The following USP1 variants were observed in gnomAD, a reference collection of about 807,000 sequenced individuals.
USP1 encodes ubiquitin specific peptidase 1.
Under a neutral mutation model 72.2 loss-of-function variants are expected in USP1, and 18 were observed. The observed-to-expected ratio is 0.25, with a 90% CI of 0.17 to 0.37. The LOEUF is 0.37. Ranked by LOEUF, USP1 falls within the 10% of genes least tolerant of loss-of-function variation. The pLI is 1.00. For missense variants in USP1, 759 were observed against 884.9 expected (o/e 0.86, Z 1.81); for synonymous variants, 354 against 303.7 (o/e 1.17, Z -1.72).
rs368821448 is a variant in USP1 at position 62,448,472 on chromosome 1, A to G, written c.1428A>G (p.Pro476=). 8.7e-6 allele frequency: 14 copies of G among 1,613,600 alleles called. No homozygotes were observed. The African/African-American group carries it at 9.3e-5, about 11-fold the overall frequency. Residue 476 remains proline, a synonymous_variant, in exon 8 of 9, where the codon CCA becomes CCG. Coordinates refer to ENST00000339950, the MANE Select transcript of USP1 (RefSeq NM_003368.5). The part of the protein sequence containing the change: ...SKVEESSEIS[P]EPKTEMKTLR... ...AAGGATTCTCTTTTTTAGTTTCTCC[A>G]GAGCCAAAAACAGAAATGAAGACCC...
intron 5 of USP1, among the ~76,000 whole-genome samples, chr1:62,444,267 A>G (rs1645154078): frequency 7.1e-6 from 1 of 139,934 alleles, no homozygotes; most frequent in Non-Finnish European, 1.6e-5. Flanking sequence ...CTCCAAAAAA[A>G]AAAAAAAAAA....
rs1322522199 is a variant in USP1 at position 62,442,177 on chromosome 1, C to T, written c.292-18C>T. On this transcript the variant is annotated intron_variant, in intron 3 of 8. Transcript: ENST00000339950. ...TTGTTTGTTCAGTAAACACTTAAGA[C>T]AATCTCACTTTTTATAGGTATTATA... is the stretch of plus-strand genomic sequence containing the variant. The T allele has an allele frequency of 4.7e-6, 7 of 1,484,882 alleles. No homozygotes were observed. The highest frequency in any genetic ancestry group is 4.2e-5 in the African/African-American group (3 of 71,368). 92.0% of individuals were successfully genotyped at this position (1,484,882 alleles called of 1,614,324 possible).
chr1:62,441,766 T>C (rs1645135940), intron 3 of USP1, among the ~76,000 whole-genome samples, 158 bp downstream of exon 3: 1 of 152,238 alleles, frequency 6.6e-6, no homozygotes, highest in African/African-American at 2.4e-5. Context: ...TTACATGTTA[T>C]TAAACTTCCT....
At chr1:62,441,331 A>G (rs1008532067) in intron 2 of USP1, among the ~76,000 whole-genome samples, 157 bp from the exon 3 acceptor site, 3 of 152,214 alleles carry the variant, frequency 2.0e-5, no homozygotes, top group South Asian at 2.1e-4. Context: ...GCATATAGCA[A>G]TTTTTGAGCC....
Position 62,445,749 on chromosome 1 carries a change from C to T in USP1, c.1249+320C>T, listed in dbSNP as rs984135221. The stretch of plus-strand genomic sequence containing the variant: ...ATCCCAGTACTTTGGGAGGCCTAGG[C>T]GGGCAGATCACCTGCGGTCAGGAGT... On this transcript the variant is annotated intron_variant, in intron 6 of 8. Transcript: ENST00000339950. Among the ~76,000 whole-genome samples, 6 of 152,080 alleles carry T rather than the reference C, an allele frequency of 3.9e-5. No individual in the cohort carries two copies. The East Asian group carries it at 5.8e-4, about 15-fold the overall frequency.
intron 8 of USP1, among the ~76,000 whole-genome samples, chr1:62,449,199 C>CT (rs1274069615): frequency 6.6e-6 from 1 of 152,108 alleles, no homozygotes; most frequent in Non-Finnish European, 1.5e-5. Flanking sequence ...CTTTATTCAT[C>CT]TTTTCATATT....
chr1:62,448,122 G>A (rs1645189134), intron 7 of USP1, among the ~76,000 whole-genome samples: 1 of 152,144 alleles, frequency 6.6e-6, no homozygotes, highest in South Asian at 2.1e-4. Context: ...TTGAGCCACT[G>A]TTGTGTCTAG....
At chr1:62,438,277 C>T (rs919315508) in intron 1 of USP1, among the ~76,000 whole-genome samples, 1 of 152,024 alleles carries the variant, frequency 6.6e-6, no homozygotes, top group Non-Finnish European at 1.5e-5. Flanking sequence ...CGAGAAAAAC[C>T]TTTTATCAGA....
chr1:62,447,639 C>G (rs1645184760), intron 7 of USP1, 128 bp downstream of exon 7: 2 of 965,582 alleles, frequency 2.1e-6, no homozygotes, highest in Admixed American at 3.1e-5. Flanking sequence ...CTAATGTAAC[C>G]TTTCTGCTTA....
rs754517935 is a variant in USP1 at position 62,448,568 on chromosome 1, C to T, written c.1524C>T (p.Asn508=). ...GAGAAGATAAATATTTCTGTGAAAACTGCCATCATTATACTGAAGCTGAAC... is the reference window on the plus strand; with the variant it reads ...GAGAAGATAAATATTTCTGTGAAAATTGCCATCATTATACTGAAGCTGAAC... ...IVGEDKYFCE[N]CHHYTEAERS... The change falls in exon 8 of 9, where the codon AAC becomes AAT. Residue 508 remains asparagine (N), a synonymous_variant. Coordinates refer to ENST00000339950, the MANE Select transcript of USP1 (RefSeq NM_003368.5). 1.7e-5 allele frequency: 27 copies of T among 1,613,810 alleles called. No homozygotes were observed. Among genetic ancestry groups the T allele is most frequent in the Non-Finnish European group, 2.3e-5 (27 of 1,179,942 alleles).
intron 1 of USP1, among the ~76,000 whole-genome samples, chr1:62,437,830 A>G (rs1180919332): frequency 6.6e-6 from 1 of 152,210 alleles, no homozygotes; most frequent in Non-Finnish European, 1.5e-5. Context: ...CACTTTTTCA[A>G]GAAGTGTTTA....
chr1:62,448,610 C>T lies in USP1; in HGVS notation c.1566C>T (p.Asp522=), dbSNP rs1292700940. ...AAGCTGAACGAAGTCTTTTGTTTGA[C>T]AAAATGCCTGAAGTTATAACTATTC... ...YTEAERSLLF[D]KMPEVITIHL... Residue 522 remains aspartate, a synonymous_variant, in exon 8 of 9, where the codon GAC becomes GAT. Transcript: ENST00000339950. 2.5e-6 allele frequency: 4 copies of T among 1,613,704 alleles called. No homozygotes were observed. In the Admixed American group the frequency reaches 6.7e-5, roughly 27 times the overall value.
chr1:62,438,373 G>C (rs1333445780), intron 1 of USP1, among the ~76,000 whole-genome samples: 6 of 152,304 alleles, frequency 3.9e-5, no homozygotes, highest in South Asian at 4.1e-4. Context: ...GCATTAGGTA[G>C]ACAGGAGAGT....
rs1173048517 is a variant in USP1 at position 62,450,476 on chromosome 1, T to G, written c.1853T>G (p.Met618Arg). Reference sequence around the variant, plus strand: ...AAAGGAAATTTTGTGGTTGACCAAATGTGTGAAATAGGTAAGCCAGAACCA... The same window carrying G: ...AAAGGAAATTTTGTGGTTGACCAAAGGTGTGAAATAGGTAAGCCAGAACCA... ...LDKGNFVVDQ[M>R]CEIGKPEPLN... The change falls in exon 9 of 9, where the codon ATG (methionine) becomes AGG (arginine). Residue 618 changes from methionine (M) to arginine (R), a missense_variant. By Grantham distance (91) the Met-to-Arg change is moderately conservative (BLOSUM62 -1). Coordinates refer to ENST00000339950, the MANE Select transcript of USP1 (RefSeq NM_003368.5). The G allele has an allele frequency of 1.2e-6, 2 of 1,614,058 alleles. No individual in the cohort carries two copies. The highest frequency in any genetic ancestry group is 2.2e-5 in the East Asian group (1 of 44,858).
chr1:62,445,134 T>A lies in USP1; in HGVS notation c.954T>A (p.Ile318=). 1 of 1,613,270 alleles carries A rather than the reference T, an allele frequency of 6.2e-7. No individual in the cohort carries two copies. The highest frequency in any genetic ancestry group is 8.5e-7 in the Non-Finnish European group (1 of 1,179,832). ...SDTLESPPKI[I]PKYISENESP... Reference sequence around the variant, plus strand: ...CATTAGAGAGTCCTCCTAAAATAATTCCCAAGTATATTTCTGAAAATGAGA... The same window carrying A: ...CATTAGAGAGTCCTCCTAAAATAATACCCAAGTATATTTCTGAAAATGAGA... The change falls in exon 6 of 9, where the codon ATT becomes ATA. Residue 318 remains isoleucine (I), a synonymous_variant. Transcript: ENST00000339950.
intron 4 of USP1, 80 bp from the exon 5 acceptor site, chr1:62,443,076 ATTC>A: frequency 1.4e-6 from 2 of 1,404,410 alleles, no homozygotes; most frequent in Non-Finnish European, 1.9e-6. Context: ...AAAATCTAGT[ATTC>A]TTAAGTGAGA....
Position 62,443,336 on chromosome 1 carries a change from A to G in USP1, c.557+17A>G, listed in dbSNP as rs964704241. ...CACACTGAGGTATAGCCTATAATAT[A>G]ATTTTAGGGTTTCAATTTAGCTACT... On this transcript the variant is annotated intron_variant, in intron 5 of 8. Coordinates refer to ENST00000339950, the MANE Select transcript of USP1 (RefSeq NM_003368.5). The G allele has an allele frequency of 8.3e-6, 13 of 1,569,686 alleles. No homozygotes were observed. Among genetic ancestry groups the G allele is most frequent in the Non-Finnish European group, 9.4e-6 (11 of 1,164,060 alleles).
chr1:62,449,846 G>A (rs1001414124), intron 8 of USP1, among the ~76,000 whole-genome samples: 1 of 151,602 alleles, frequency 6.6e-6, no homozygotes, highest in Non-Finnish European at 1.5e-5. Context: ...AGGATCACTT[G>A]AGTCCAGAAG....
chr1:62,448,339 T>C, intron 7 of USP1, 126 bp from the exon 8 acceptor site: 1 of 886,782 alleles, frequency 1.1e-6, no homozygotes, highest in Non-Finnish European at 1.7e-6. Context: ...AAAGTAAAAA[T>C]CTCTTTAGTT....
Sources: gnomAD v4.1 joint callset for allele counts (sites outside exome capture counted in the v4.1 genomes callset) on GRCh38, gnomAD v4.1.1 for gene constraint, MANE v1.5 for transcripts, NCBI Gene and HGNC (gene_info 2026-07-23, HGNC 2026-07-21) for gene names.